The following C2CD3 variants were observed in gnomAD, a reference collection of about 807,000 sequenced individuals.
C2CD3 encodes C2 domain-containing protein 3.
Under a neutral mutation model 234.0 loss-of-function variants are expected in C2CD3, and 148 were observed. That is an observed-to-expected ratio of 0.63 (90% CI 0.55 to 0.72). The LOEUF is 0.72. Among genes scored for constraint, C2CD3 ranks in the 30% least tolerant of loss-of-function variants. The pLI is 0.00. For synonymous variants in C2CD3, 1,000 were observed against 1,035.4 expected, an observed-to-expected ratio of 0.97 and a Z score of 0.66; for missense variants, 2,577 against 2,811.5, an observed-to-expected ratio of 0.92 and a Z score of 1.89.
In C2CD3 at chr11:74,168,677, C is replaced by T. The variant is rs1026002348; in HGVS notation, c.56-64G>A. ...CTAAATATAGAAAACATATAATATG[C>T]TTTTTGAATGAAAACAAACAGAACA... On this transcript the variant is annotated intron_variant, in intron 1 of 32. Transcript: ENST00000334126. 4 of 1,417,234 alleles carry T rather than the reference C, an allele frequency of 2.8e-6. No homozygotes were observed. The African/African-American group carries it at 5.7e-5, about 20-fold the overall frequency. 87.8% of individuals were successfully genotyped at this position (1,417,234 alleles called of 1,614,324 possible).
At chr11:74,064,981 G>A (rs1591373182) in intron 24 of C2CD3, among the ~76,000 whole-genome samples, 2 of 152,120 alleles carry the variant, frequency 1.3e-5, no homozygotes, top group South Asian at 2.1e-4. Context: ...AGAAAACCTC[G>A]ACAATACCAT....
intron 5 of C2CD3, among the ~76,000 whole-genome samples, chr11:74,136,338 T>C (rs138723193): frequency 3.9e-4 from 60 of 152,286 alleles, no homozygotes; most frequent in African/African-American, 1.3e-3. Context: ...ATTGAAGAGG[T>C]TGCACATTGA....
At chr11:74,057,609 C>A (rs1954016760) in intron 24 of C2CD3, 65 bp from the exon 25 acceptor site, 2 of 1,532,250 alleles carry the variant, frequency 1.3e-6, no homozygotes, top group Admixed American at 1.7e-5. Flanking sequence ...ATTATACAGG[C>A]ACAAGCAGGA....
At chr11:74,058,513 A>G (rs1954063537) in intron 24 of C2CD3, among the ~76,000 whole-genome samples, 1 of 152,178 alleles carries the variant, frequency 6.6e-6, no homozygotes, top group Non-Finnish European at 1.5e-5. Flanking sequence ...AAAACTGGGT[A>G]CTGAGAAATT....
At chr11:74,022,777 C>T (rs1420817562) in intron 32 of C2CD3, among the ~76,000 whole-genome samples, 1 of 152,250 alleles carries the variant, frequency 6.6e-6, no homozygotes, top group Non-Finnish European at 1.5e-5. Flanking sequence ...AAAGCAGGGG[C>T]AGCGGAACTT....
chr11:74,027,459 G>T (rs1423525729), intron 32 of C2CD3, among the ~76,000 whole-genome samples: 1 of 152,126 alleles, frequency 6.6e-6, no homozygotes, highest in African/African-American at 2.4e-5. Flanking sequence ...TCATCAGATT[G>T]CTAAATTTAA....
In C2CD3 at chr11:74,015,736, C is replaced by T. The variant is rs577501553; in HGVS notation, c.6922-2211G>A. Reference sequence around the variant, plus strand: ...CTTAGATGAGTCTTGTTCTCCATGGCTGGAAGGGCCAACTACCTCAGTTCA... The same window carrying T: ...CTTAGATGAGTCTTGTTCTCCATGGTTGGAAGGGCCAACTACCTCAGTTCA... On this transcript the variant is annotated intron_variant, in intron 32 of 32. Coordinates refer to ENST00000334126, the MANE Select transcript of C2CD3 (RefSeq NM_001286577.2). Among the ~76,000 whole-genome samples the T allele has an allele frequency of 5.9e-5, 9 of 152,170 alleles. No individual in the cohort carries two copies. The East Asian group carries it at 1.5e-3, about 26-fold the overall frequency.
At chr11:74,065,268 C>T (rs1040935787) in intron 24 of C2CD3, among the ~76,000 whole-genome samples, 2 of 152,192 alleles carry the variant, frequency 1.3e-5, no homozygotes, top group African/African-American at 2.4e-5. Context: ...TGAACAGACA[C>T]TTCTCAAAAG....
At chr11:74,107,872 C>T (rs998598230) in intron 12 of C2CD3, 2 of 151,728 alleles carry the variant, frequency 1.3e-5, no homozygotes, top group Admixed American at 6.6e-5. Flanking sequence ...AAATGCCGGC[C>T]GGGCATGGTG....
intron 18 of C2CD3, 84 bp downstream of exon 18, chr11:74,093,732 T>C: frequency 9.3e-7 from 1 of 1,071,134 alleles, no homozygotes; most frequent in East Asian, 2.6e-5. Context: ...CTTACAATAA[T>C]TCAACCTAGG....
intron 24 of C2CD3, among the ~76,000 whole-genome samples, chr11:74,071,233 G>C (rs992723170): frequency 2.0e-5 from 3 of 152,160 alleles, no homozygotes; most frequent in African/African-American, 7.2e-5. Flanking sequence ...CACATTTCTG[G>C]CAAGAGTTGC....
chr11:74,066,456 A>G (rs949048664), intron 24 of C2CD3, among the ~76,000 whole-genome samples: 7 of 140,332 alleles, frequency 5.0e-5, no homozygotes, highest in East Asian at 2.0e-4. Flanking sequence ...AAGAAAGAAA[A>G]AAAAACATTT....
Position 74,168,531 on chromosome 11 carries a change from A to T in C2CD3, c.138T>A (p.Asn46Lys). 1 of 1,614,196 alleles carries T rather than the reference A, an allele frequency of 6.2e-7. No individual in the cohort carries two copies. The highest frequency in any genetic ancestry group is 1.3e-5 in the African/African-American group (1 of 75,064). ...GCTTTGCAATCTTCCATATGACTCT[A>T]TTAACAGTAAGTTTTAGAAAACAGC... ...QLRCFLKLTVNRVIWKIAKPP... is the reference protein window; with the variant it reads ...QLRCFLKLTVKRVIWKIAKPP... Residue 46 changes from asparagine (N) to lysine (K), a missense_variant, in exon 2 of 33, where the codon AAT becomes AAA. Coordinates refer to ENST00000334126, the MANE Select transcript of C2CD3 (RefSeq NM_001286577.2).
intron 19 of C2CD3, among the ~76,000 whole-genome samples, chr11:74,091,655 C>T (rs1476321477): frequency 6.6e-6 from 1 of 152,228 alleles, no homozygotes; most frequent in Non-Finnish European, 1.5e-5. Context: ...AAACCCTAGC[C>T]TTCTCCTCCC....
Position 74,078,110 on chromosome 11 carries a change from C to G in C2CD3, c.4603+5G>C. 6.2e-7 allele frequency: 1 copy of G among 1,610,440 alleles called. No individual in the cohort carries two copies. Among genetic ancestry groups the G allele is most frequent in the South Asian group, 1.1e-5 (1 of 90,548 alleles). On this transcript the variant is annotated splice_donor_5th_base_variant and intron_variant, in intron 23 of 32. Coordinates refer to ENST00000334126, the MANE Select transcript of C2CD3 (RefSeq NM_001286577.2). ...TACAAGAGTTGAATCAGGCTCCTCA[C>G]TTACCACTGACAGTTAGCGTCCTCG...
intron 7 of C2CD3, among the ~76,000 whole-genome samples, chr11:74,130,140 A>AGGGAGAG (rs1329981192): frequency 3.6e-3 from 369 of 102,666 alleles, no homozygotes; most frequent in Non-Finnish European, 5.6e-3. Context: ...GGAGAGGGAG[A>AGGGAGAG]GGGAGAGGGG....
chr11:74,158,379 T>G (rs962168713), intron 3 of C2CD3, among the ~76,000 whole-genome samples: 4 of 152,148 alleles, frequency 2.6e-5, no homozygotes, highest in African/African-American at 7.2e-5. Context: ...AAAACTTGAA[T>G]AGACATTTCT....
chr11:74,165,930 G>A (rs1467600680), intron 2 of C2CD3, among the ~76,000 whole-genome samples: 5 of 152,128 alleles, frequency 3.3e-5, no homozygotes, highest in Non-Finnish European at 7.3e-5. Context: ...TTGGCCTCAA[G>A]TGATCTTCCT....
At chr11:74,086,055 T>C (rs1955628955) in intron 20 of C2CD3, among the ~76,000 whole-genome samples, 169 bp from the exon 21 acceptor site, 1 of 152,294 alleles carries the variant, frequency 6.6e-6, no homozygotes, top group East Asian at 1.9e-4. Context: ...CTTAGTAATC[T>C]AGATATCATG....
Sources: allele counts gnomAD v4.1 joint callset (sites outside exome capture counted in the v4.1 genomes callset), GRCh38; gene constraint gnomAD v4.1.1; transcripts MANE v1.5; gene names NCBI Gene and HGNC (gene_info 2026-07-23, HGNC 2026-07-21).